EIF3B: variants seen among roughly 807,000 people sequenced by gnomAD.
EIF3B encodes eukaryotic translation initiation factor 3 subunit B, also known as eukaryotic translation initiation factor 3 subunit 9.
A neutral mutation model predicts 104.6 loss-of-function variants in EIF3B; 10 were observed. That is an observed-to-expected ratio of 0.10 (90% CI 0.06 to 0.16). The LOEUF is 0.16. EIF3B is among the 10% of genes least tolerant of loss of function. The pLI, the probability that EIF3B is intolerant of heterozygous loss-of-function variation, is 1.00. For synonymous variants in EIF3B, 542 were observed against 417.2 expected (o/e 1.30, Z -3.65); for missense variants, 1,014 against 1,087.9 (o/e 0.93, Z 0.96).
chr7:2,358,224 T>C (rs1240008124), intron 1 of EIF3B, among the ~76,000 whole-genome samples: 2 of 152,052 alleles, frequency 1.3e-5, no homozygotes, highest in African/African-American at 4.8e-5. Context: ...GCTGGGATTA[T>C]AAGCATGTGC....
chr7:2,379,079 C>T (rs1780851793), intron 16 of EIF3B, 55 bp from the exon 17 acceptor site: 4 of 1,517,756 alleles, frequency 2.6e-6, no homozygotes, highest in African/African-American at 1.4e-5. Context: ...GGGCTCTTCG[C>T]GATGGGGAGG....
rs1330025270 is a variant in EIF3B at position 2,372,786 on chromosome 7, G to C, written c.1801G>C (p.Glu601Gln). ...CCACGTCAAAAACAACGGGAAGATT[G>C]AACTCATCAGTAAGTAACCTGGTCC... The part of the protein sequence containing the change: ...FYHVKNNGKI[E>Q]LIKMFDKQQA... The change falls in exon 12 of 19, where the codon GAA (glutamate) becomes CAA (glutamine). Residue 601 changes from glutamate (E) to glutamine (Q), a missense_variant. By Grantham distance (29) the Glu-to-Gln change is conservative (BLOSUM62 2). Coordinates refer to ENST00000360876, the MANE Select transcript of EIF3B (RefSeq NM_001037283.2). 1 of 1,614,000 alleles carries C rather than the reference G, an allele frequency of 6.2e-7. No individual in the cohort carries two copies. The highest frequency in any genetic ancestry group is 1.1e-5 in the South Asian group (1 of 91,058).
chr7:2,375,673 G>A, intron 14 of EIF3B, 146 bp downstream of exon 14: 1 of 1,217,128 alleles, frequency 8.2e-7, no homozygotes, highest in Non-Finnish European at 1.1e-6. Context: ...TTAGTGGCAG[G>A]AGGAGGAGGA....
chr7:2,379,502 G>C lies in EIF3B; in HGVS notation c.*5G>C. On this transcript the variant is annotated 3_prime_UTR_variant, in exon 18 of 19. Coordinates refer to ENST00000360876, the MANE Select transcript of EIF3B (RefSeq NM_001037283.2). ...CCCCTCGGGAATCAGGAGTGACCTG[G>C]AGCACTGTGGTGAGCGTCTGCAGGG... The C allele has an allele frequency of 6.4e-7, 1 of 1,563,276 alleles. No individual in the cohort carries two copies. The highest frequency in any genetic ancestry group is 1.2e-5 in the South Asian group (1 of 84,968).
At chr7:2,379,083 G>T in intron 16 of EIF3B, 51 bp from the exon 17 acceptor site, 1 of 1,536,686 alleles carries the variant, frequency 6.5e-7, no homozygotes, top group South Asian at 1.1e-5. Flanking sequence ...TCTTCGCGAT[G>T]GGGAGGCACT....
rs368880701 is a variant in EIF3B at position 2,369,456 on chromosome 7, T to C, written c.1404-16T>C. 5 of 1,613,272 alleles carry C rather than the reference T, an allele frequency of 3.1e-6. No homozygotes were observed. In the African/African-American group the frequency reaches 6.7e-5, roughly 22 times the overall value. ...ACTTGGTCTTTGCTTTAACATTTTA[T>C]TTTCCTGTTCTGCAGAGACTTTTCT... On this transcript the variant is annotated splice_polypyrimidine_tract_variant and intron_variant, in intron 9 of 18. Transcript: ENST00000360876.
chr7:2,375,275 A>G (rs1780570284), intron 13 of EIF3B, 114 bp from the exon 14 acceptor site: 1 of 1,379,296 alleles, frequency 7.3e-7, no homozygotes, highest in South Asian at 1.3e-5. Context: ...GCTTGTTTCC[A>G]TGTTAACGCC....
intron 1 of EIF3B, among the ~76,000 whole-genome samples, chr7:2,357,420 A>G (rs1050213237): frequency 1.8e-4 from 27 of 152,330 alleles, no homozygotes; most frequent in African/African-American, 5.1e-4. Flanking sequence ...GCTGCCCTTC[A>G]GGGTCATTGT....
chr7:2,371,961 G>A (rs945955453), intron 11 of EIF3B, 112 bp downstream of exon 11: 1 of 843,966 alleles, frequency 1.2e-6, no homozygotes, highest in Admixed American at 1.9e-5. Flanking sequence ...AGGACTGTGA[G>A]CCCTCACCAT....
At chr7:2,374,910 TC>T in intron 13 of EIF3B, 3 of 335,134 alleles carry the variant, frequency 9.0e-6, no homozygotes, top group Non-Finnish European at 1.6e-5. Context: ...TCCAGTAACC[TC>T]CCCCCGGGGG....
At chr7:2,365,827 C>CA (rs1779994905) in intron 6 of EIF3B, among the ~76,000 whole-genome samples, 1 of 151,990 alleles carries the variant, frequency 6.6e-6, no homozygotes, top group African/African-American at 2.4e-5. Flanking sequence ...AAGTGCCTGC[C>CA]ACCACGCCCG....
intron 9 of EIF3B, 40 bp from the exon 10 acceptor site, chr7:2,369,432 C>T (rs761204844): frequency 7.5e-6 from 12 of 1,600,868 alleles, no homozygotes; most frequent in South Asian, 2.2e-5. Flanking sequence ...TTCGTCATCA[C>T]TTGGTCTTTG....
intron 6 of EIF3B, among the ~76,000 whole-genome samples, chr7:2,364,840 A>G (rs778073438): frequency 2.3e-4 from 35 of 152,216 alleles, no homozygotes; most frequent in Admixed American, 5.2e-4. Flanking sequence ...TCAGGGATTT[A>G]CCATTCATTT....
chr7:2,369,720 C>G, intron 10 of EIF3B, 38 bp downstream of exon 10: 1 of 1,588,578 alleles, frequency 6.3e-7, no homozygotes, highest in Non-Finnish European at 8.6e-7. Flanking sequence ...ATTCCTTATC[C>G]TGAGCTCTGA....
intron 10 of EIF3B, among the ~76,000 whole-genome samples, chr7:2,370,407 G>A (rs765326667): frequency 6.6e-6 from 1 of 152,050 alleles, no homozygotes; most frequent in Non-Finnish European, 1.5e-5. Flanking sequence ...AACCCAGGAG[G>A]CAGAGCTTGC....
At chr7:2,370,176 T>C (rs1487951208) in intron 10 of EIF3B, among the ~76,000 whole-genome samples, 1 of 152,144 alleles carries the variant, frequency 6.6e-6, no homozygotes, top group Non-Finnish European at 1.5e-5. Context: ...ATTTATTTTA[T>C]CAAAAAATTG....
rs566783613 is a variant in EIF3B at position 2,365,685 on chromosome 7, T to G, written c.1158-632T>G. ...TTTGTTTGTTTGTTTGTTTTGTTTT[T>G]TTTTTTTTTGAAACTGAGTTTCATG... On this transcript the variant is annotated intron_variant, in intron 6 of 18. Coordinates refer to ENST00000360876, the MANE Select transcript of EIF3B (RefSeq NM_001037283.2). 2.6e-3 allele frequency among the ~76,000 whole-genome samples: 360 copies of G among 140,638 alleles called. 3 individuals are homozygous for G. In the South Asian group the frequency reaches 0.028, roughly 11 times the overall value. The allele number at this position is 140,638 out of a possible 152,430, so 92.3% of individuals were successfully genotyped here. A position where few individuals can be genotyped will look rare whatever the true frequency, so the allele number is the denominator to read the frequency against.
chr7:2,372,995 C>G lies in EIF3B; in HGVS notation c.1810+200C>G, dbSNP rs1292499206. ...CCTCCTTGCAGGGTGTCTCTCTGAG[C>G]CCCGTTGAGCCCTCACGTTTAAGCG... On this transcript the variant is annotated intron_variant, in intron 12 of 18. Transcript: ENST00000360876. The G allele has an allele frequency of 1.1e-5, 5 of 438,666 alleles. No homozygotes were observed. The South Asian group carries it at 2.1e-4, about 19-fold the overall frequency. The allele number at this position is 438,666 out of a possible 1,614,324, so 27.2% of individuals were successfully genotyped here. A position where few individuals can be genotyped will look rare whatever the true frequency, so the allele number is the denominator to read the frequency against.
At chr7:2,364,918 C>CTTT (rs1440135757) in intron 6 of EIF3B, among the ~76,000 whole-genome samples, 1 of 152,204 alleles carries the variant, frequency 6.6e-6, no homozygotes, top group Non-Finnish European at 1.5e-5. Context: ...ATAATACTTA[C>CTTT]TTTCCTTCAG....
Sources: allele counts gnomAD v4.1 joint callset (sites outside exome capture counted in the v4.1 genomes callset), GRCh38; gene constraint gnomAD v4.1.1; transcripts MANE v1.5; gene names NCBI Gene and HGNC (gene_info 2026-07-23, HGNC 2026-07-21).